Variants in VWDE observed in about 807,000 individuals in gnomAD.
VWDE encodes the protein von Willebrand factor D and EGF domain-containing protein.
Under a neutral mutation model 178.4 loss-of-function variants are expected in VWDE, and 207 were observed. That is an observed-to-expected ratio of 1.16 (90% CI 1.04 to 1.30). The LOEUF (loss-of-function observed/expected upper bound fraction) is 1.30. Among genes scored for constraint, VWDE ranks in the 50% most tolerant of loss-of-function variants. VWDE has a pLI of 0.00. For missense variants in VWDE, 2,287 were observed against 1,901.3 expected (o/e 1.20, Z -3.77); for synonymous variants, 738 against 651.4 (o/e 1.13, Z -2.02).
chr7:12,355,432 G>T (rs1005133129), intron 18 of VWDE, among the ~76,000 whole-genome samples: 1 of 145,866 alleles, frequency 6.9e-6, no homozygotes, highest in African/African-American at 2.5e-5. Flanking sequence ...AAAAAAAAGT[G>T]CTGAAGAAAA....
intron 10 of VWDE, among the ~76,000 whole-genome samples, chr7:12,372,765 A>G (rs1037335936): frequency 2.0e-5 from 3 of 152,128 alleles, no homozygotes; most frequent in Non-Finnish European, 4.4e-5. Context: ...GAAATGTTAA[A>G]TAAGGCAGTT....
intron 1 of VWDE, among the ~76,000 whole-genome samples, chr7:12,397,243 T>G (rs1017688381): frequency 1.3e-5 from 2 of 151,996 alleles, no homozygotes; most frequent in Non-Finnish European, 2.9e-5. Flanking sequence ...TGGAACAGAA[T>G]AGAGAACCCA....
At chr7:12,351,380 G>A (rs1036039438) in intron 19 of VWDE, among the ~76,000 whole-genome samples, 193 bp downstream of exon 19, 1 of 152,002 alleles carries the variant, frequency 6.6e-6, no homozygotes, top group African/African-American at 2.4e-5. Context: ...GGACATAAAC[G>A]CATTTTTTCT....
chr7:12,385,045 A>C (rs1421444008), intron 3 of VWDE, among the ~76,000 whole-genome samples: 1 of 151,980 alleles, frequency 6.6e-6, no homozygotes, highest in Non-Finnish European at 1.5e-5. Flanking sequence ...GAGTCTTCTA[A>C]ATAAATAATA....
intron 21 of VWDE, among the ~76,000 whole-genome samples, chr7:12,343,552 CTTTAA>C (rs376534303): frequency 7.9e-5 from 12 of 152,214 alleles, no homozygotes; most frequent in African/African-American, 2.9e-4. Flanking sequence ...CCTAAATTTA[CTTTAA>C]TTTGTTAATT....
intron 3 of VWDE, 199 bp downstream of exon 3, chr7:12,388,928 G>A (rs1207060250): frequency 2.8e-6 from 2 of 706,486 alleles, no homozygotes; most frequent in Non-Finnish European, 2.6e-6. Context: ...TTTCACGTGT[G>A]GGGGGACTTT....
intron 23 of VWDE, 52 bp from the exon 24 acceptor site, chr7:12,340,469 A>C: frequency 2.2e-6 from 3 of 1,388,288 alleles, no homozygotes; most frequent in South Asian, 1.3e-5. Context: ...TATTTAAAAA[A>C]TGAAAGCTGC....
At position 12,375,014 on chromosome 7, in the gene VWDE, A is replaced by G; in HGVS notation, c.1238T>C (p.Ile413Thr). 1.3e-6 allele frequency: 2 copies of G among 1,550,904 alleles called. No homozygotes were observed. The highest frequency in any genetic ancestry group is 1.2e-5 in the South Asian group (1 of 84,026). ...TTAGTGTTGTAATTTGTCAACCTGG[A>G]TGCTGTCTGGAATGTAGTTGTTCCA... is the stretch of plus-strand genomic sequence containing the variant. Reference protein sequence around the residue: ...FLWNNYIPDSIQIKVKDVPTA... With the variant: ...FLWNNYIPDSTQIKVKDVPTA... Residue 413 changes from isoleucine to threonine, a missense_variant, in exon 8 of 29, where the codon ATC (isoleucine) becomes ACC (threonine). By Grantham distance (89) the Ile-to-Thr change is moderately conservative (BLOSUM62 -1). Coordinates refer to ENST00000275358, the MANE Select transcript of VWDE (RefSeq NM_001135924.3).
chr7:12,390,544 A>T (rs1784338526), intron 2 of VWDE, among the ~76,000 whole-genome samples: 4 of 151,790 alleles, frequency 2.6e-5, no homozygotes, highest in Admixed American at 2.6e-4. Flanking sequence ...TATGTGATTG[A>T]ATTATAATTT....
intron 15 of VWDE, 36 bp downstream of exon 15, chr7:12,361,111 G>A: frequency 1.6e-6 from 2 of 1,275,718 alleles, no homozygotes; most frequent in South Asian, 2.8e-5. Flanking sequence ...AAATACCTAT[G>A]ATGTAAATGT....
chr7:12,364,019 A>G (rs1782721853), intron 13 of VWDE, among the ~76,000 whole-genome samples: 1 of 152,024 alleles, frequency 6.6e-6, no homozygotes, highest in South Asian at 2.1e-4. Flanking sequence ...AAACTGACTT[A>G]CATATACATT....
intron 2 of VWDE, among the ~76,000 whole-genome samples, chr7:12,389,559 C>G (rs994876931): frequency 1.3e-5 from 2 of 152,034 alleles, no homozygotes; most frequent in African/African-American, 4.8e-5. Context: ...AATTAATATA[C>G]TCATTCAATT....
chr7:12,401,713 A>C (rs1336786320), intron 1 of VWDE, among the ~76,000 whole-genome samples: 1 of 152,182 alleles, frequency 6.6e-6, no homozygotes, highest in African/African-American at 2.4e-5. Context: ...CAGCACAGCC[A>C]CTTTGGAAAA....
At chr7:12,361,105 A>G (rs748033221) in intron 15 of VWDE, 42 bp downstream of exon 15, 3 of 1,224,048 alleles carry the variant, frequency 2.5e-6, no homozygotes, top group African/African-American at 1.5e-5. Context: ...AAATGAAAAT[A>G]CCTATGATGT....
intron 16 of VWDE, 96 bp from the exon 17 acceptor site, chr7:12,357,611 A>G: frequency 7.3e-7 from 1 of 1,364,732 alleles, no homozygotes. Context: ...TTTGATAAAG[A>G]CTGAACTCTG....
chr7:12,396,927 C>T (rs575106449), intron 1 of VWDE, among the ~76,000 whole-genome samples: 1 of 152,138 alleles, frequency 6.6e-6, no homozygotes, highest in African/African-American at 2.4e-5. Flanking sequence ...AAGAGTGAAA[C>T]TCTGTCTCAA....
At position 12,370,744 on chromosome 7, in the gene VWDE, C is replaced by T; in HGVS notation, c.1708G>A (p.Glu570Lys). The T allele has an allele frequency of 6.4e-7, 1 of 1,551,164 alleles. No homozygotes were observed. Among genetic ancestry groups the T allele is most frequent in the South Asian group, 1.2e-5 (1 of 84,052 alleles). Residue 570 changes from glutamate (E) to lysine (K), a missense_variant, in exon 11 of 29, where the codon GAA (glutamate) becomes AAA (lysine). By Grantham distance (56) the Glu-to-Lys change is moderately conservative. Transcript: ENST00000275358. The part of the protein sequence containing the change: ...NTLGLCGTFD[E>K]NPENDFHDKN... Reference sequence around the variant, plus strand: ...TCATGGAAATCATTTTCCGGATTTTCATCAAAGGTTCCACAAAGTCCCAGA... The same window carrying T: ...TCATGGAAATCATTTTCCGGATTTTTATCAAAGGTTCCACAAAGTCCCAGA...
At position 12,331,175 on chromosome 7, in the gene VWDE, G is replaced by C; in HGVS notation, c.*8C>G. On this transcript the variant is annotated 3_prime_UTR_variant, in exon 29 of 29. Transcript: ENST00000275358. Reference sequence around the variant, plus strand: ...ATACAGGCTTGTAATTCATATACTTGATGCTACTCAATGGCGTCTTATCTG... The same window carrying C: ...ATACAGGCTTGTAATTCATATACTTCATGCTACTCAATGGCGTCTTATCTG... 6.5e-7 allele frequency: 1 copy of C among 1,540,090 alleles called. No homozygotes were observed. The highest frequency in any genetic ancestry group is 2.5e-5 in the East Asian group (1 of 40,680).
At chr7:12,347,620 T>C (rs1781677325) in intron 19 of VWDE, among the ~76,000 whole-genome samples, 2 of 152,092 alleles carry the variant, frequency 1.3e-5, no homozygotes, top group Admixed American at 6.6e-5. Context: ...AAATATATGA[T>C]ATTTAATCGT....
Sources: allele counts gnomAD v4.1 joint callset (sites outside exome capture counted in the v4.1 genomes callset), GRCh38; gene constraint gnomAD v4.1.1; transcripts MANE v1.5; gene names NCBI Gene and HGNC (gene_info 2026-07-23, HGNC 2026-07-21).